Variants in INTS4 observed in about 807,000 individuals in gnomAD.
The protein encoded by INTS4 is integrator complex subunit 4, also known as MSTP093.
A neutral mutation model predicts 119.5 loss-of-function variants in INTS4; 70 were observed. The observed-to-expected ratio is 0.59, with a 90% confidence interval of 0.48 to 0.71. The LOEUF (loss-of-function observed/expected upper bound fraction) is 0.71, where lower values mean the gene tolerates loss of function less well. Ranked by LOEUF, INTS4 falls within the 30% of genes least tolerant of loss-of-function variation. The pLI is 0.00. For synonymous variants in INTS4, 316 were observed against 419.6 expected, an observed-to-expected ratio of 0.75 and a Z score of 3.02; for missense variants, 867 against 1,173.2, an observed-to-expected ratio of 0.74 and a Z score of 3.81.
chr11:77,904,230 TCA>T (rs1952870899), intron 16 of INTS4, among the ~76,000 whole-genome samples: 1 of 152,198 alleles, frequency 6.6e-6, no homozygotes. Context: ...TCTTATTTTC[TCA>T]GTCCTTCTGA....
chr11:77,963,843 C>T (rs976468472), intron 4 of INTS4, among the ~76,000 whole-genome samples: 18 of 152,118 alleles, frequency 1.2e-4, no homozygotes, highest in African/African-American at 3.6e-4. Flanking sequence ...TGCCATCACA[C>T]CTGGCTAATT....
intron 8 of INTS4, among the ~76,000 whole-genome samples, chr11:77,948,952 A>T (rs1389290340): frequency 6.6e-6 from 1 of 152,178 alleles, no homozygotes; most frequent in East Asian, 1.9e-4. Context: ...ACAGCAATAA[A>T]TGACTACATC....
At chr11:77,927,297 A>G (rs1953532043) in intron 11 of INTS4, among the ~76,000 whole-genome samples, 1 of 152,194 alleles carries the variant, frequency 6.6e-6, no homozygotes, top group African/African-American at 2.4e-5. Flanking sequence ...AAAAAATTAT[A>G]AAGATTTATA....
intron 9 of INTS4, 148 bp from the exon 10 acceptor site, chr11:77,938,973 C>G: frequency 1.7e-6 from 1 of 600,848 alleles, no homozygotes; most frequent in South Asian, 2.5e-5. Flanking sequence ...AAGAGAAATG[C>G]AAATTCAACT....
At chr11:77,897,756 C>T (rs1356553454) in intron 18 of INTS4, among the ~76,000 whole-genome samples, 3 of 151,890 alleles carry the variant, frequency 2.0e-5, no homozygotes, top group Non-Finnish European at 4.4e-5. Flanking sequence ...CCACCCGATT[C>T]GGCCTCCCAA....
intron 21 of INTS4, among the ~76,000 whole-genome samples, chr11:77,885,471 C>G (rs1951964962): frequency 6.6e-6 from 1 of 152,084 alleles, no homozygotes; most frequent in African/African-American, 2.4e-5. Flanking sequence ...GTCTCAGTTT[C>G]CTGATCCTTA....
chr11:77,970,523 T>G (rs1287855298), intron 4 of INTS4, among the ~76,000 whole-genome samples: 2 of 151,912 alleles, frequency 1.3e-5, no homozygotes, highest in Non-Finnish European at 2.9e-5. Context: ...ACTGCCAGAC[T>G]GTTTTTGAAA....
intron 3 of INTS4, among the ~76,000 whole-genome samples, chr11:77,980,091 T>C (rs959529877): frequency 5.3e-5 from 8 of 152,122 alleles, no homozygotes; most frequent in Admixed American, 1.3e-4. Flanking sequence ...GCCTTCCATG[T>C]TGTCTACCCT....
At chr11:77,930,923 T>C (rs890075377) in intron 10 of INTS4, among the ~76,000 whole-genome samples, 3 of 152,218 alleles carry the variant, frequency 2.0e-5, no homozygotes, top group African/African-American at 7.2e-5. Flanking sequence ...AGACTGATTC[T>C]CAGCATCTGC....
Position 77,886,212 on chromosome 11 carries a change from G to GA in INTS4, c.2593-2261dup, listed in dbSNP as rs576019396. On this transcript the variant is annotated intron_variant, in intron 21 of 22. Transcript: ENST00000534064. Reference sequence around the variant, plus strand: ...GACAGAGACCTTGTCTCAAAAAAAAGAAAAAAAAAATTCCCAGCATTCTCA... The same window carrying GA: ...GACAGAGACCTTGTCTCAAAAAAAAGAAAAAAAAAAATTCCCAGCATTCTCA... Among the ~76,000 whole-genome samples the GA allele has an allele frequency of 4.0e-5, 6 of 149,150 alleles. No homozygotes were observed. The East Asian group carries it at 5.9e-4, about 15-fold the overall frequency.
intron 6 of INTS4, 150 bp downstream of exon 6, chr11:77,960,191 G>T: frequency 1.8e-6 from 1 of 553,026 alleles, no homozygotes; most frequent in Non-Finnish European, 3.3e-6. Context: ...TGAAAAGTAT[G>T]TTTTGAATAT....
intron 16 of INTS4, among the ~76,000 whole-genome samples, chr11:77,906,539 T>C (rs2136453800): frequency 6.6e-6 from 1 of 152,350 alleles, no homozygotes; most frequent in South Asian, 2.1e-4. Context: ...CAAACAACCT[T>C]GCAAAGGGGC....
chr11:77,939,072 G>A (rs1953867574), intron 9 of INTS4, among the ~76,000 whole-genome samples: 2 of 152,250 alleles, frequency 1.3e-5, no homozygotes, highest in Non-Finnish European at 2.9e-5. Flanking sequence ...TGTTAAGAAA[G>A]TCGGTTATGT....
At chr11:77,948,693 GAA>G (rs1954111869) in intron 8 of INTS4, among the ~76,000 whole-genome samples, 1 of 129,818 alleles carries the variant, frequency 7.7e-6, no homozygotes. Context: ...AGAAGAAGAA[GAA>G]GGAAAAAATC....
chr11:77,899,741 A>G (rs1352445828), intron 18 of INTS4, among the ~76,000 whole-genome samples: 2 of 152,196 alleles, frequency 1.3e-5, no homozygotes, highest in African/African-American at 4.8e-5. Context: ...GTATCTTTAT[A>G]TAATGACATG....
chr11:77,944,036 T>C (rs1219314848), intron 8 of INTS4, among the ~76,000 whole-genome samples: 3 of 152,210 alleles, frequency 2.0e-5, no homozygotes, highest in Non-Finnish European at 1.5e-5. Flanking sequence ...AAGTAGTGAC[T>C]GTATTCTAAA....
At chr11:77,989,161 A>T (rs1856566817) in intron 2 of INTS4, among the ~76,000 whole-genome samples, 2 of 152,206 alleles carry the variant, frequency 1.3e-5, no homozygotes, top group African/African-American at 4.8e-5. Flanking sequence ...GTAATGAAAT[A>T]ATTAGAAAAA....
intron 10 of INTS4, among the ~76,000 whole-genome samples, chr11:77,936,738 A>G (rs1442018263): frequency 6.6e-6 from 1 of 152,200 alleles, no homozygotes; most frequent in Non-Finnish European, 1.5e-5. Flanking sequence ...AATCAAACAC[A>G]AAGAGAAAAT....
At position 77,883,841 on chromosome 11, in the gene INTS4, C is replaced by T. The variant is rs759365044; in HGVS notation, c.2704G>A (p.Ala902Thr). 8 of 1,612,534 alleles carry T rather than the reference C, an allele frequency of 5.0e-6. No individual in the cohort carries two copies. The highest frequency in any genetic ancestry group is 1.1e-5 in the South Asian group (1 of 90,754). Reference protein sequence around the residue: ...LITQVYLSHTAWTEACQVEVR... With the variant: ...LITQVYLSHTTWTEACQVEVR... ...GGTCCTGACTCCTTACCTGTCCAAG[C>T]GGTGTGGGAGAGATAAACCTGAGTG... is the stretch of plus-strand genomic sequence containing the variant. Residue 902 changes from alanine to threonine, a missense_variant, in exon 22 of 23, where the codon GCT (alanine) becomes ACT (threonine). Coordinates refer to ENST00000534064, the MANE Select transcript of INTS4 (RefSeq NM_033547.4).
Sources: gnomAD v4.1 joint callset for allele counts (sites outside exome capture counted in the v4.1 genomes callset) on GRCh38, gnomAD v4.1.1 for gene constraint, MANE v1.5 for transcripts, NCBI Gene and HGNC (gene_info 2026-07-23, HGNC 2026-07-21) for gene names.